FBXO21: variants seen among roughly 807,000 people sequenced by gnomAD.
FBXO21 encodes the protein F-box protein 21.
Under a neutral mutation model 76.6 loss-of-function variants are expected in FBXO21, and 32 were observed. The observed-to-expected ratio is 0.42, with a 90% CI of 0.32 to 0.56. The LOEUF (loss-of-function observed/expected upper bound fraction) is 0.56, where lower values mean the gene tolerates loss of function less well. Among genes scored for constraint, FBXO21 ranks in the 20% least tolerant of loss-of-function variants. The pLI is 0.16. For synonymous variants in FBXO21, 328 were observed against 311.5 expected, an observed-to-expected ratio of 1.05 and a Z score of -0.56; for missense variants, 586 against 797.3, an observed-to-expected ratio of 0.73 and a Z score of 3.19.
At position 117,172,555 on chromosome 12, in the gene FBXO21, G is replaced by C. The variant is rs758605968; in HGVS notation, c.929C>G (p.Thr310Arg). 23 of 1,614,022 alleles carry C rather than the reference G, an allele frequency of 1.4e-5. No individual in the cohort carries two copies. Among genetic ancestry groups the C allele is most frequent in the Non-Finnish European group, 1.9e-5 (23 of 1,179,978 alleles). Residue 310 changes from threonine to arginine, a missense_variant, in exon 7 of 12, where the codon ACA becomes AGA. By Grantham distance (71) the Thr-to-Arg change is moderately conservative. Transcript: ENST00000622495. ...TGGGACTCCCAACTGCCGAGCAATT[G>C]TCAAATAGAGCAGAGACATGCTGAT... ...IPISMSLLYL[T>R]IARQLGVPLE...
At chr12:117,167,172 C>T (rs2135865503) in intron 7 of FBXO21, 95 bp from the exon 8 acceptor site, 1 of 914,618 alleles carries the variant, frequency 1.1e-6, no homozygotes, top group East Asian at 2.6e-5. Flanking sequence ...AAGGTTGAGA[C>T]CATAACATTT....
At chr12:117,188,178 TA>T (rs776667540) in intron 2 of FBXO21, among the ~76,000 whole-genome samples, 66 of 152,240 alleles carry the variant, frequency 4.3e-4, no homozygotes, top group Non-Finnish European at 8.8e-4. Context: ...AAATATCGAA[TA>T]GTTTGTTGAA....
At chr12:117,170,297 G>T (rs1366725963) in intron 7 of FBXO21, among the ~76,000 whole-genome samples, 1 of 152,110 alleles carries the variant, frequency 6.6e-6, no homozygotes, top group African/African-American at 2.4e-5. Flanking sequence ...AGACATTGGC[G>T]ATGTCCCCCT....
intron 9 of FBXO21, among the ~76,000 whole-genome samples, chr12:117,163,720 A>G (rs1956013491): frequency 6.6e-6 from 1 of 151,330 alleles, no homozygotes; most frequent in Non-Finnish European, 1.5e-5. Flanking sequence ...AGGAACGCAG[A>G]CTGCTTGAGG....
At chr12:117,147,299 A>G (rs1398893160) in intron 11 of FBXO21, among the ~76,000 whole-genome samples, 9 of 115,698 alleles carry the variant, frequency 7.8e-5, no homozygotes, top group Admixed American at 7.6e-4. Flanking sequence ...GGAAAAAAAA[A>G]AAAAAAAAGA....
intron 8 of FBXO21, 32 bp from the exon 9 acceptor site, chr12:117,165,649 C>T (rs1284964843): frequency 6.5e-7 from 1 of 1,536,948 alleles, no homozygotes; most frequent in East Asian, 2.3e-5. Flanking sequence ...TTGTCTCATC[C>T]TGCTTGTTTT....
At chr12:117,164,308 G>A (rs946955639) in intron 9 of FBXO21, among the ~76,000 whole-genome samples, 19 of 128,760 alleles carry the variant, frequency 1.5e-4, no homozygotes, top group African/African-American at 5.9e-4. Context: ...ACAGAGTCTT[G>A]CTCTGTTGCA....
intron 2 of FBXO21, chr12:117,188,879 G>A: frequency 4.2e-6 from 1 of 237,688 alleles, no homozygotes. Context: ...TTCAATCATT[G>A]ATGATTCCCC....
Position 117,144,723 on chromosome 12 carries a change from G to A in FBXO21, c.*1364C>T, listed in dbSNP as rs1038798363. ...TATCGATTAATGACAAGATTAGCTC[G>A]CTTGAGAACTGGCAGGCCGAGAGTT... On this transcript the variant is annotated 3_prime_UTR_variant, in exon 12 of 12. Transcript: ENST00000622495. 9.9e-5 allele frequency: 15 copies of A among 152,168 alleles called. No homozygotes were observed. The highest frequency in any genetic ancestry group is 3.3e-4 in the Admixed American group (5 of 15,270). 9.4% of individuals were successfully genotyped at this position (152,168 alleles called of 1,614,324 possible). A position where few individuals can be genotyped will look rare whatever the true frequency, so the allele number is the denominator to read the frequency against.
chr12:117,152,750 G>C (rs1197272531), intron 11 of FBXO21, among the ~76,000 whole-genome samples: 1 of 152,172 alleles, frequency 6.6e-6, no homozygotes, highest in Non-Finnish European at 1.5e-5. Flanking sequence ...TGGTTATGCA[G>C]AGGAATCTCC....
intron 9 of FBXO21, among the ~76,000 whole-genome samples, chr12:117,163,350 G>A (rs543570560): frequency 1.3e-5 from 2 of 149,480 alleles, no homozygotes; most frequent in African/African-American, 4.9e-5. Flanking sequence ...CTGGCCAACA[G>A]GGTGAAACCC....
chr12:117,147,760 T>G (rs1212264229), intron 11 of FBXO21, among the ~76,000 whole-genome samples: 7 of 152,200 alleles, frequency 4.6e-5, no homozygotes, highest in Non-Finnish European at 1.5e-5. Flanking sequence ...GGCCTAAGAC[T>G]GGGTGTGGCC....
intron 3 of FBXO21, among the ~76,000 whole-genome samples, chr12:117,177,895 G>A (rs1372257379): frequency 6.6e-6 from 1 of 152,194 alleles, no homozygotes; most frequent in East Asian, 1.9e-4. Flanking sequence ...GGAAATGGAA[G>A]AGCAGCCTGA....
Position 117,145,947 on chromosome 12 carries a change from T to G in FBXO21, c.*140A>C, listed in dbSNP as rs1169663046. On this transcript the variant is annotated 3_prime_UTR_variant, in exon 12 of 12. Transcript: ENST00000622495. ...AAGAGCACACGGTATTTAAACTTAG[T>G]AGGAGGCAACCAGCACTACTGGTGG... The G allele has an allele frequency of 2.9e-5, 17 of 594,754 alleles. No individual in the cohort carries two copies. The highest frequency in any genetic ancestry group is 5.6e-5 in the African/African-American group (3 of 53,180). The allele number at this position is 594,754 out of a possible 1,614,324, so 36.8% of individuals were successfully genotyped here. A position where few individuals can be genotyped will look rare whatever the true frequency, so the allele number is the denominator to read the frequency against.
intron 11 of FBXO21, among the ~76,000 whole-genome samples, chr12:117,152,535 GAA>G (rs144311427): frequency 1.7e-3 from 259 of 150,700 alleles, no homozygotes; most frequent in African/African-American, 5.5e-3. Flanking sequence ...AAAAAGGGGG[GAA>G]AAAAAATGAA....
intron 6 of FBXO21, among the ~76,000 whole-genome samples, chr12:117,173,447 T>C (rs918880848): frequency 1.3e-5 from 2 of 152,090 alleles, no homozygotes; most frequent in African/African-American, 4.8e-5. Flanking sequence ...GTGTACGATA[T>C]AACAAAATAA....
intron 3 of FBXO21, among the ~76,000 whole-genome samples, chr12:117,178,238 C>T (rs1309078781): frequency 6.6e-6 from 1 of 152,140 alleles, no homozygotes; most frequent in Non-Finnish European, 1.5e-5. Context: ...GGATGCCTTG[C>T]TTTCTCTCAT....
intron 6 of FBXO21, among the ~76,000 whole-genome samples, chr12:117,173,136 C>T (rs1220443160): frequency 7.9e-5 from 12 of 151,856 alleles, no homozygotes; most frequent in Admixed American, 7.9e-4. Context: ...ACAAGCAATT[C>T]TCTTGCCTCA....
At chr12:117,163,410 G>A (rs1396933237) in intron 9 of FBXO21, among the ~76,000 whole-genome samples, 3 of 152,054 alleles carry the variant, frequency 2.0e-5, no homozygotes, top group East Asian at 1.9e-4. Flanking sequence ...GCACGTGTCT[G>A]TAATCCCAGC....
Sources: gnomAD v4.1 joint callset for allele counts (sites outside exome capture counted in the v4.1 genomes callset) on GRCh38, gnomAD v4.1.1 for gene constraint, MANE v1.5 for transcripts, NCBI Gene and HGNC (gene_info 2026-07-23, HGNC 2026-07-21) for gene names.